TNS3: variants seen among roughly 807,000 people sequenced by gnomAD.
TNS3 encodes the protein tensin-3.
Under a neutral mutation model 140.9 loss-of-function variants are expected in TNS3, and 45 were observed. That is an observed-to-expected ratio of 0.32 (90% CI 0.25 to 0.41). TNS3 has a LOEUF of 0.41. Ranked by LOEUF, TNS3 falls within the 10% of genes least tolerant of loss-of-function variation. TNS3 has a pLI of 1.00. For missense variants in TNS3, 1,716 were observed against 1,906.7 expected (o/e 0.90, Z 1.86); for synonymous variants, 815 against 788.4 (o/e 1.03, Z -0.56).
chr7:47,327,773 C>T (rs994654417), intron 20 of TNS3, among the ~76,000 whole-genome samples: 4 of 152,202 alleles, frequency 2.6e-5, no homozygotes, highest in Non-Finnish European at 5.9e-5. Flanking sequence ...GAACAATCAG[C>T]CCTCCTCCCA....
chr7:47,372,276 G>A (rs374798957), intron 16 of TNS3, among the ~76,000 whole-genome samples: 83 of 152,136 alleles, frequency 5.5e-4, no homozygotes, highest in East Asian at 2.1e-3. Flanking sequence ...TACCCATTAC[G>A]GTCACAGATT....
upstream of TNS3, chr7:47,582,536 C>T (rs1486294279): frequency 2.2e-6 from 1 of 455,258 alleles, no homozygotes; most frequent in Non-Finnish European, 4.4e-6. Context: ...CCTCCTGTAG[C>T]TCATAGCCTA....
chr7:47,421,621 G>A (rs1374843064), intron 10 of TNS3, among the ~76,000 whole-genome samples: 1 of 152,110 alleles, frequency 6.6e-6, no homozygotes, highest in Non-Finnish European at 1.5e-5. Context: ...TCCAAGTTTA[G>A]GGAAGGAAGT....
chr7:47,359,632 G>T (rs1790203172), intron 17 of TNS3, among the ~76,000 whole-genome samples: 1 of 152,130 alleles, frequency 6.6e-6, no homozygotes. Flanking sequence ...CTGTGGGCCG[G>T]ACCAAAGATT....
chr7:47,469,861 T>C (rs1385665972), intron 4 of TNS3, among the ~76,000 whole-genome samples: 2 of 150,432 alleles, frequency 1.3e-5, no homozygotes, highest in African/African-American at 4.9e-5. Flanking sequence ...GTAATCCAAG[T>C]TACTCAGGAG....
At chr7:47,508,531 G>C (rs115990785) in intron 2 of TNS3, among the ~76,000 whole-genome samples, 3,287 of 152,250 alleles carry the variant, frequency 0.022, 104 homozygotes, top group African/African-American at 0.074. Context: ...GCAGGCCTCT[G>C]GCCTCTGGCT....
chr7:47,354,282 G>C (rs1789857572), intron 17 of TNS3, among the ~76,000 whole-genome samples: 1 of 152,206 alleles, frequency 6.6e-6, no homozygotes, highest in Admixed American at 6.5e-5. Flanking sequence ...GGAAGGAGCT[G>C]ATAAGGGGAC....
At chr7:47,486,042 G>A (rs909372818) in intron 3 of TNS3, among the ~76,000 whole-genome samples, 3 of 151,646 alleles carry the variant, frequency 2.0e-5, no homozygotes, top group African/African-American at 7.3e-5. Context: ...GAGTGCAGGT[G>A]TGTGAGTGTG....
chr7:47,423,949 A>G (rs140262184), intron 10 of TNS3, 152 bp downstream of exon 10: 348 of 743,430 alleles, frequency 4.7e-4, no homozygotes, highest in African/African-American at 3.0e-3. Context: ...TGGGAGGGAC[A>G]AGTCTCCCCA....
chr7:47,456,240 C>T (rs1036040422), intron 4 of TNS3, among the ~76,000 whole-genome samples: 7 of 152,138 alleles, frequency 4.6e-5, no homozygotes, highest in Non-Finnish European at 8.8e-5. Context: ...CAGCAGGCTC[C>T]AGGAGCCCAG....
chr7:47,462,417 C>T (rs182890352), intron 4 of TNS3, among the ~76,000 whole-genome samples: 7 of 152,270 alleles, frequency 4.6e-5, no homozygotes, highest in Admixed American at 1.3e-4. Flanking sequence ...TGCGCCTGGC[C>T]GAGGTTATGT....
Position 47,360,700 on chromosome 7 carries a change from C to T in TNS3, c.2281+7665G>A, listed in dbSNP as rs550656714. 3.9e-5 allele frequency among the ~76,000 whole-genome samples: 6 copies of T among 152,304 alleles called. No individual in the cohort carries two copies. The South Asian group carries it at 8.3e-4, about 21-fold the overall frequency. On this transcript the variant is annotated intron_variant, in intron 17 of 30. Transcript: ENST00000311160. Reference sequence around the variant, plus strand: ...GCCATCAGCCCTGGTCTCTTGCTGACGCCTGAGTCCTTGGAGGGCTCCAGG... The same window carrying T: ...GCCATCAGCCCTGGTCTCTTGCTGATGCCTGAGTCCTTGGAGGGCTCCAGG...
At chr7:47,420,840 T>G (rs1306159744) in intron 10 of TNS3, among the ~76,000 whole-genome samples, 3 of 152,372 alleles carry the variant, frequency 2.0e-5, no homozygotes, top group Non-Finnish European at 2.9e-5. Flanking sequence ...GAATTGAGGT[T>G]CCTGCAGACC....
intron 10 of TNS3, among the ~76,000 whole-genome samples, chr7:47,423,748 G>C (rs1466761464): frequency 1.3e-5 from 2 of 152,206 alleles, no homozygotes; most frequent in African/African-American, 4.8e-5. Context: ...CCGTTGCAGA[G>C]ATAGTTCACT....
chr7:47,541,691 G>C (rs62446485), intron 1 of TNS3, among the ~76,000 whole-genome samples: 1 of 152,132 alleles, frequency 6.6e-6, no homozygotes, highest in South Asian at 2.1e-4. Flanking sequence ...ACTCACGCCT[G>C]TAATCCCAGC....
chr7:47,498,965 C>T (rs2964964), intron 3 of TNS3, among the ~76,000 whole-genome samples: 152,266 of 152,406 alleles, frequency 1, 76,063 homozygotes, highest in Non-Finnish European at 1. Flanking sequence ...CGCACTTCCT[C>T]AGTTGACAGT....
chr7:47,542,721 G>C (rs1375383803), intron 1 of TNS3, among the ~76,000 whole-genome samples: 3 of 152,020 alleles, frequency 2.0e-5, no homozygotes, highest in African/African-American at 7.3e-5. Context: ...ACGAGGTCAG[G>C]AGTTCAAAAC....
At chr7:47,422,719 C>T (rs557694761) in intron 10 of TNS3, among the ~76,000 whole-genome samples, 1 of 151,536 alleles carries the variant, frequency 6.6e-6, no homozygotes, top group Non-Finnish European at 1.5e-5. Flanking sequence ...GAAATAAGAA[C>T]AAAAAAAAGA....
At chr7:47,355,260 T>C (rs1013271248) in intron 17 of TNS3, among the ~76,000 whole-genome samples, 8 of 152,176 alleles carry the variant, frequency 5.3e-5, no homozygotes, top group Non-Finnish European at 7.3e-5. Flanking sequence ...CGCTCAGTCA[T>C]TCCGGCCCCA....
Sources: allele counts gnomAD v4.1 joint callset (sites outside exome capture counted in the v4.1 genomes callset), GRCh38; gene constraint gnomAD v4.1.1; transcripts MANE v1.5; gene names NCBI Gene and HGNC (gene_info 2026-07-23, HGNC 2026-07-21).